The following DSCAM variants were observed in gnomAD, a reference collection of about 807,000 sequenced individuals.
The protein encoded by DSCAM is cell adhesion molecule DSCAM.
Under a neutral mutation model 217.7 loss-of-function variants are expected in DSCAM, and 47 were observed. That is an observed-to-expected ratio of 0.22 (90% CI 0.17 to 0.28). The LOEUF is 0.28. Ranked by LOEUF, DSCAM falls within the 10% of genes least tolerant of loss-of-function variation. DSCAM has a pLI of 1.00. For missense variants in DSCAM, 2,080 were observed against 2,618.3 expected (o/e 0.79, Z 4.49); for synonymous variants, 1,056 against 1,015.3 (o/e 1.04, Z -0.76).
intron 11 of DSCAM, among the ~76,000 whole-genome samples, chr21:40,243,670 T>C (rs2073183880): frequency 6.6e-6 from 1 of 152,194 alleles, no homozygotes; most frequent in South Asian, 2.1e-4. Flanking sequence ...TCCTAGATTT[T>C]TTGCTCCTCC....
At chr21:40,163,221 C>T (rs2090559789) in intron 16 of DSCAM, among the ~76,000 whole-genome samples, 2 of 152,024 alleles carry the variant, frequency 1.3e-5, no homozygotes, top group Admixed American at 6.6e-5. Flanking sequence ...AAAAGAGACA[C>T]TTTAGGAGAT....
chr21:40,092,496 G>C (rs1256738192), intron 21 of DSCAM, among the ~76,000 whole-genome samples: 1 of 152,178 alleles, frequency 6.6e-6, no homozygotes, highest in Non-Finnish European at 1.5e-5. Context: ...CCCCAGGCAA[G>C]ACCTGCTTCT....
chr21:40,019,668 C>T (rs2088226780), intron 32 of DSCAM, among the ~76,000 whole-genome samples: 1 of 152,146 alleles, frequency 6.6e-6, no homozygotes, highest in African/African-American at 2.4e-5. Flanking sequence ...GCTTTGAACT[C>T]CAGGGTCACC....
chr21:40,029,992 G>A (rs149766876), intron 32 of DSCAM, among the ~76,000 whole-genome samples: 43 of 152,328 alleles, frequency 2.8e-4, no homozygotes, highest in African/African-American at 8.2e-4. Flanking sequence ...ATGCCTACAC[G>A]TGTGCTTGCG....
chr21:40,490,371 G>A (rs1328698824), intron 3 of DSCAM, among the ~76,000 whole-genome samples: 2 of 152,022 alleles, frequency 1.3e-5, no homozygotes, highest in Non-Finnish European at 2.9e-5. Context: ...ATCTATAATT[G>A]GATTCTAGAC....
intron 8 of DSCAM, among the ~76,000 whole-genome samples, chr21:40,319,230 T>C (rs1206546906): frequency 6.6e-6 from 1 of 152,174 alleles, no homozygotes; most frequent in East Asian, 1.9e-4. Flanking sequence ...ATACCTCCTT[T>C]AGGGGAGGAG....
chr21:40,452,267 CAGGTATCCTGG>C lies in DSCAM; in HGVS notation c.509-83033_509-83023del, dbSNP rs1186919134. Among the ~76,000 whole-genome samples the C allele has an allele frequency of 5.2e-4, 79 of 151,332 alleles. 1 individual carries two copies. Among genetic ancestry groups the C allele is most frequent in the African/African-American group, 1.8e-3 (74 of 41,214 alleles). On this transcript the variant is annotated intron_variant, in intron 3 of 32. Transcript: ENST00000400454. ...ACACACACACACACACACACACACA[CAGGTATCCTGG>C]AGGTATCCTGGAAAATACTCTGTAA...
At chr21:40,580,978 CTTCGAAGAAAGATG>C (rs1201610025) in intron 3 of DSCAM, among the ~76,000 whole-genome samples, 1 of 152,128 alleles carries the variant, frequency 6.6e-6, no homozygotes, top group Non-Finnish European at 1.5e-5. Flanking sequence ...ACTGAAAGGA[CTTCGAAGAAAGATG>C]ATAAAATACA....
At chr21:40,506,109 G>A (rs979264962) in intron 3 of DSCAM, among the ~76,000 whole-genome samples, 6 of 152,172 alleles carry the variant, frequency 3.9e-5, no homozygotes, top group South Asian at 2.1e-4. Context: ...TTTTACTAAC[G>A]CACTTCATGC....
At chr21:40,777,617 A>G (rs2091500464) in intron 1 of DSCAM, among the ~76,000 whole-genome samples, 2 of 152,244 alleles carry the variant, frequency 1.3e-5, no homozygotes, top group South Asian at 4.1e-4. Flanking sequence ...TAAGACAAAA[A>G]TAGAATTGTG....
chr21:40,036,201 C>T (rs2088619567), intron 32 of DSCAM, among the ~76,000 whole-genome samples: 1 of 146,490 alleles, frequency 6.8e-6, no homozygotes, highest in Admixed American at 6.7e-5. Context: ...CACAAAAAAC[C>T]CTTCAAAAAA....
At chr21:40,683,945 G>C (rs1442573082) in intron 3 of DSCAM, among the ~76,000 whole-genome samples, 1 of 151,988 alleles carries the variant, frequency 6.6e-6, no homozygotes, top group Non-Finnish European at 1.5e-5. Flanking sequence ...GTTAAGACCG[G>C]GCCACGCACG....
intron 3 of DSCAM, among the ~76,000 whole-genome samples, chr21:40,504,203 G>T (rs1240665664): frequency 6.6e-6 from 1 of 152,120 alleles, no homozygotes; most frequent in African/African-American, 2.4e-5. Context: ...GAAGAGAAAA[G>T]AGGAAGAAAA....
chr21:40,713,448 C>A (rs114179622), intron 1 of DSCAM, among the ~76,000 whole-genome samples: 2,055 of 152,274 alleles, frequency 0.013, 36 homozygotes, highest in African/African-American at 0.046. Flanking sequence ...AGAAGGTTAA[C>A]CCCTAACCTC....
At chr21:40,711,060 G>A (rs763542001) in intron 1 of DSCAM, among the ~76,000 whole-genome samples, 7 of 152,186 alleles carry the variant, frequency 4.6e-5, no homozygotes, top group Non-Finnish European at 8.8e-5. Context: ...GAGCAAGAAC[G>A]CAGGGCTAGG....
chr21:40,771,270 G>A (rs996027613), intron 1 of DSCAM, among the ~76,000 whole-genome samples: 6 of 152,212 alleles, frequency 3.9e-5, no homozygotes, highest in African/African-American at 1.2e-4. Context: ...GCCATGGGCT[G>A]GGTGTCCTAT....
At chr21:40,522,965 C>T (rs183888005) in intron 3 of DSCAM, among the ~76,000 whole-genome samples, 20 of 152,150 alleles carry the variant, frequency 1.3e-4, no homozygotes, top group African/African-American at 2.7e-4. Flanking sequence ...TTTCATGTTT[C>T]GCTTACACAT....
intron 3 of DSCAM, among the ~76,000 whole-genome samples, chr21:40,545,298 T>A (rs2076573055): frequency 6.6e-6 from 1 of 152,208 alleles, no homozygotes; most frequent in Non-Finnish European, 1.5e-5. Flanking sequence ...ACGATGGTAT[T>A]CTGTGACAGC....
At position 40,013,370 on chromosome 21, in the gene DSCAM, C is replaced by A; in HGVS notation, c.5703G>T (p.Leu1901Phe). 6.4e-7 allele frequency: 1 copy of A among 1,567,758 alleles called. No individual in the cohort carries two copies. Among genetic ancestry groups the A allele is most frequent in the Non-Finnish European group, 8.6e-7 (1 of 1,157,846 alleles). ...AAAAGTCCATTCTAAGGTATGGAGG[C>A]AAATGTATGAGGTCACCTAGAAGGA... ...KAHRPGDLIH[L>F]PPYLRMDFLL... is the part of the protein sequence containing the mutation. Residue 1901 changes from leucine (L) to phenylalanine (F), a missense_variant, in exon 33 of 33, where the codon TTG (leucine) becomes TTT (phenylalanine). Leu to Phe is a conservative substitution (Grantham distance 22, BLOSUM62 0). Transcript: ENST00000400454.
Sources: gnomAD v4.1 joint callset for allele counts (sites outside exome capture counted in the v4.1 genomes callset) on GRCh38, gnomAD v4.1.1 for gene constraint, MANE v1.5 for transcripts, NCBI Gene and HGNC (gene_info 2026-07-23, HGNC 2026-07-21) for gene names.